Variants in WDR41 observed in about 807,000 individuals in gnomAD.
The protein encoded by WDR41 is WD repeat domain 41.
A neutral mutation model predicts 69.3 loss-of-function variants in WDR41; 63 were observed. The ratio of observed to expected loss-of-function variants is 0.91; its 90% CI spans 0.74 to 1.12. WDR41 has a LOEUF of 1.12. Ranked by LOEUF, WDR41 falls within the 50% of genes most tolerant of loss-of-function variation. The probability of loss-of-function intolerance (pLI) is 0.00; values close to 1 mark genes in which losing one functional copy is unlikely to be tolerated. For missense variants in WDR41, 543 were observed against 534.5 expected (o/e 1.02, Z -0.16); for synonymous variants, 185 against 192.1 (o/e 0.96, Z 0.31).
intron 1 of WDR41, among the ~76,000 whole-genome samples, chr5:77,580,770 A>G (rs774702022): frequency 2.6e-5 from 4 of 152,016 alleles, no homozygotes; most frequent in Non-Finnish European, 4.4e-5. Context: ...CCTGGCTAAC[A>G]TCGTGAAACC....
At position 77,616,872 on chromosome 5, in the gene WDR41, T is replaced by G. The variant is rs114102683; in HGVS notation, c.42+3607A>C. On this transcript the variant is annotated intron_variant, in intron 1 of 5. Transcript: ENST00000509971. ...CCTCTCATTCTATTCCCTTGGTAGTTAAGACTTTCTTCTTCTTCCCCATCC... is the reference window on the plus strand; with the variant it reads ...CCTCTCATTCTATTCCCTTGGTAGTGAAGACTTTCTTCTTCTTCCCCATCC... 6.8e-3 allele frequency among the ~76,000 whole-genome samples: 1,040 copies of G among 152,328 alleles called. 5 individuals are homozygous for G. Among genetic ancestry groups the G allele is most frequent in the Non-Finnish European group, 0.012 (806 of 68,040 alleles).
At chr5:77,565,941 C>T (rs1037012225) in intron 1 of WDR41, among the ~76,000 whole-genome samples, 7 of 152,088 alleles carry the variant, frequency 4.6e-5, no homozygotes, top group African/African-American at 1.7e-4. Context: ...AATTAAAACC[C>T]ATTGACTTCT....
chr5:77,461,748 G>C (rs545755938), intron 4 of WDR41, among the ~76,000 whole-genome samples: 30 of 151,772 alleles, frequency 2.0e-4, no homozygotes, highest in African/African-American at 6.5e-4. Flanking sequence ...TGAGGCAGAA[G>C]AATCACTTGA....
At chr5:77,600,562 A>T (rs1187378303) in intron 1 of WDR41, among the ~76,000 whole-genome samples, 2 of 152,052 alleles carry the variant, frequency 1.3e-5, no homozygotes, top group African/African-American at 2.4e-5. Flanking sequence ...CTGTATATCT[A>T]AAAAAAATTT....
chr5:77,453,522 A>G (rs1041807451), intron 6 of WDR41, among the ~76,000 whole-genome samples: 1 of 152,198 alleles, frequency 6.6e-6, no homozygotes, highest in Non-Finnish European at 1.5e-5. Context: ...ATGCTACTGT[A>G]AAGTCGTAAG....
chr5:77,571,891 G>T (rs1743740352), intron 1 of WDR41, among the ~76,000 whole-genome samples: 1 of 152,134 alleles, frequency 6.6e-6, no homozygotes, highest in African/African-American at 2.4e-5. Context: ...GGGAAAGGGG[G>T]AAAGTGTTTT....
intron 1 of WDR41, among the ~76,000 whole-genome samples, chr5:77,497,582 T>C (rs1369907302): frequency 2.0e-5 from 3 of 152,186 alleles, no homozygotes; most frequent in Non-Finnish European, 4.4e-5. Context: ...GCCTATAATT[T>C]TTTTAAGCTG....
At chr5:77,593,244 C>T (rs1744164288) in intron 1 of WDR41, among the ~76,000 whole-genome samples, 1 of 152,014 alleles carries the variant, frequency 6.6e-6, no homozygotes. Context: ...TGATCAGAGC[C>T]TTTGGAGAGT....
intron 2 of WDR41, among the ~76,000 whole-genome samples, chr5:77,478,472 C>T (rs574341556): frequency 2.0e-5 from 3 of 152,270 alleles, no homozygotes; most frequent in East Asian, 3.9e-4. Context: ...AAAAGCTTAT[C>T]CACCATGATC....
intron 1 of WDR41, among the ~76,000 whole-genome samples, chr5:77,525,619 C>T (rs1011073682): frequency 6.6e-6 from 1 of 152,186 alleles, no homozygotes; most frequent in Non-Finnish European, 1.5e-5. Context: ...GATCCCTCAG[C>T]CCTCTTCCTT....
At chr5:77,529,342 C>T (rs1040842002) in intron 1 of WDR41, among the ~76,000 whole-genome samples, 1 of 151,090 alleles carries the variant, frequency 6.6e-6, no homozygotes, top group Non-Finnish European at 1.5e-5. Context: ...CACAGAGAAA[C>T]GCTAAACTAT....
At chr5:77,608,907 A>G (rs559750039) in intron 1 of WDR41, among the ~76,000 whole-genome samples, 1 of 152,318 alleles carries the variant, frequency 6.6e-6, no homozygotes, top group East Asian at 1.9e-4. Flanking sequence ...TAGTCAAAGA[A>G]AGGGGTGACA....
At chr5:77,491,965 C>T (rs888701287) in intron 1 of WDR41, 9 of 587,500 alleles carry the variant, frequency 1.5e-5, no homozygotes, top group African/African-American at 4.0e-5. Flanking sequence ...CTCCAGGGTG[C>T]GCCTGGGGTC....
At chr5:77,457,777 C>T (rs1000971165) in intron 5 of WDR41, among the ~76,000 whole-genome samples, 1 of 151,918 alleles carries the variant, frequency 6.6e-6, no homozygotes, top group Admixed American at 6.6e-5. Context: ...TCAAGAACAA[C>T]TGAACCACTG....
intron 2 of WDR41, among the ~76,000 whole-genome samples, chr5:77,488,786 C>T (rs981364326): frequency 2.6e-5 from 4 of 152,030 alleles, no homozygotes; most frequent in African/African-American, 9.7e-5. Context: ...TCTCATGAAG[C>T]TTACATTTTA....
At chr5:77,466,168 T>C (rs1800296321) in intron 2 of WDR41, among the ~76,000 whole-genome samples, 1 of 151,768 alleles carries the variant, frequency 6.6e-6, no homozygotes, top group Non-Finnish European at 1.5e-5. Context: ...TCACAAAGAG[T>C]TATTTTTAAA....
At position 77,474,617 on chromosome 5, in the gene WDR41, C is replaced by A. The variant is rs911256477; in HGVS notation, c.168-9808G>T. Among the ~76,000 whole-genome samples, 24 of 152,126 alleles carry A rather than the reference C, an allele frequency of 1.6e-4. 1 individual carries two copies. Among genetic ancestry groups the A allele is most frequent in the Non-Finnish European group, 3.1e-4 (21 of 68,028 alleles). ...TTAATTAGATCTACTTCAACAATTTCTTTTCCTTAAAAAAGAATGTATTAT... is the reference window on the plus strand; with the variant it reads ...TTAATTAGATCTACTTCAACAATTTATTTTCCTTAAAAAAGAATGTATTAT... On this transcript the variant is annotated intron_variant, in intron 2 of 12. Coordinates refer to ENST00000296679, the MANE Select transcript of WDR41 (RefSeq NM_018268.4).
chr5:77,567,663 T>TAAAAAAA (rs60723638), intron 1 of WDR41, among the ~76,000 whole-genome samples: 3 of 106,394 alleles, frequency 2.8e-5, no homozygotes, highest in Admixed American at 9.7e-5. Context: ...AACCAAATAG[T>TAAAAAAA]AAAAAAAAAA....
chr5:77,582,929 T>C, intron 1 of WDR41: 3 of 1,609,638 alleles, frequency 1.9e-6, no homozygotes, highest in African/African-American at 1.3e-5. Context: ...TACGGCATTA[T>C]CTGCATGGAG....
Sources: allele counts gnomAD v4.1 joint callset (sites outside exome capture counted in the v4.1 genomes callset), GRCh38; gene constraint gnomAD v4.1.1; transcripts MANE v1.5; gene names NCBI Gene and HGNC (gene_info 2026-07-23, HGNC 2026-07-21).